ZNF462: variants seen among roughly 807,000 people sequenced by gnomAD.
ZNF462 encodes the protein zinc finger PBX1-interacting protein.
ZNF462 carries 10 observed loss-of-function variants against 201.9 expected under a neutral mutation model. The observed-to-expected ratio is 0.05, with a 90% confidence interval of 0.03 to 0.08. The LOEUF (loss-of-function observed/expected upper bound fraction) is 0.08, where lower values mean the gene tolerates loss of function less well. ZNF462 is among the 10% of genes least tolerant of loss of function. The probability of loss-of-function intolerance (pLI) is 1.00; values close to 1 mark genes in which losing one functional copy is unlikely to be tolerated. For synonymous variants in ZNF462, 1,227 were observed against 1,193.3 expected, an observed-to-expected ratio of 1.03 and a Z score of -0.58; for missense variants, 2,523 against 3,168.3, an observed-to-expected ratio of 0.80 and a Z score of 4.89.
In ZNF462 at chr9:106,984,994, C is replaced by G. The variant is rs1238335397; in HGVS notation, c.7056+585C>G. ...GGCATGGTGGTGTGCACCTGTGGTC[C>G]CAACTACTTGGGAGGCTGAGGAGGG... On this transcript the variant is annotated intron_variant, in intron 10 of 12. Transcript: ENST00000277225. The surrounding 1 kb of genome is among the most constrained non-coding windows in gnomAD (Gnocchi z 6.4). Among the ~76,000 whole-genome samples, 1 of 152,044 alleles carries G rather than the reference C, an allele frequency of 6.6e-6. No homozygotes were observed. The highest frequency in any genetic ancestry group is 1.5e-5 in the Non-Finnish European group (1 of 68,012).
At chr9:106,987,289 A>G (rs1827921510) in intron 10 of ZNF462, among the ~76,000 whole-genome samples, 1 of 152,142 alleles carries the variant, frequency 6.6e-6, no homozygotes, top group Admixed American at 6.6e-5. Flanking sequence ...GCAGTGTAGA[A>G]GTGTTCGCTC....
Position 106,924,062 on chromosome 9 carries a change from G to C in ZNF462, c.221-71G>C. The C allele has an allele frequency of 7.9e-7, 1 of 1,266,232 alleles. No homozygotes were observed. 78.4% of individuals were successfully genotyped at this position (1,266,232 alleles called of 1,614,324 possible). A position where few individuals can be genotyped will look rare whatever the true frequency, so the allele number is the denominator to read the frequency against. On this transcript the variant is annotated intron_variant, in intron 2 of 12. Coordinates refer to ENST00000277225, the MANE Select transcript of ZNF462 (RefSeq NM_021224.6). The surrounding 1 kb of genome is among the most constrained non-coding windows in gnomAD (Gnocchi z 6.2). Reference sequence around the variant, plus strand: ...TTTAGTAATGAAGAATAATTGGAATGGTACTGATTTGCATGATTGGATATT... The same window carrying C: ...TTTAGTAATGAAGAATAATTGGAATCGTACTGATTTGCATGATTGGATATT...
rs1051320458 is a variant in ZNF462 at position 107,013,114 on chromosome 9, A to G, written c.*2084A>G. ...CCAAAAAACAAACAAAAAAAGAAAG[A>G]AAAAGGAAAAAAAAAAAGAAAATAA... On this transcript the variant is annotated 3_prime_UTR_variant, in exon 13 of 13. Transcript: ENST00000277225. The G allele has an allele frequency of 6.6e-6, 1 of 151,338 alleles. No individual in the cohort carries two copies. Among genetic ancestry groups the G allele is most frequent in the Non-Finnish European group, 1.5e-5 (1 of 68,010 alleles). 9.4% of individuals were successfully genotyped at this position (151,338 alleles called of 1,614,324 possible).
intron 9 of ZNF462, among the ~76,000 whole-genome samples, chr9:106,982,783 C>A (rs539302432): frequency 9.2e-5 from 14 of 152,254 alleles, no homozygotes; most frequent in African/African-American, 3.4e-4. Flanking sequence ...CAGTGACTGC[C>A]CTACAATCAG....
Position 106,935,648 on chromosome 9 carries a change from G to T in ZNF462, c.6235+27G>T, listed in dbSNP as rs1830601245. ...TGAGTTGTGCATTGATGATGCACAA[G>T]TTCTTTAGCACTCTCTGAGTTTGAA... On this transcript the variant is annotated intron_variant, in intron 6 of 12. Coordinates refer to ENST00000277225, the MANE Select transcript of ZNF462 (RefSeq NM_021224.6). This position sits in a 1 kb window ranked among gnomAD's most constrained non-coding sequence, Gnocchi z 4.1. 6.4e-7 allele frequency: 1 copy of T among 1,554,702 alleles called. No individual in the cohort carries two copies. The highest frequency in any genetic ancestry group is 2.2e-5 in the East Asian group (1 of 44,588).
In ZNF462 at chr9:107,008,418, C is replaced by G. The variant is rs990835274; in HGVS notation, c.7190-1127C>G. On this transcript the variant is annotated intron_variant, in intron 11 of 12. Coordinates refer to ENST00000277225, the MANE Select transcript of ZNF462 (RefSeq NM_021224.6). This position sits in a 1 kb window ranked among gnomAD's most constrained non-coding sequence, Gnocchi z 4.8. ...ACAGAGCCCCCCATCCTGTTAACAT[C>G]GTCCTGAGAATCTTATTAGATGGGG... Among the ~76,000 whole-genome samples the G allele has an allele frequency of 6.6e-6, 1 of 152,192 alleles. No individual in the cohort carries two copies. Among genetic ancestry groups the G allele is most frequent in the Admixed American group, 6.5e-5 (1 of 15,274 alleles).
At chr9:106,896,400 T>C (rs2131118546) in intron 1 of ZNF462, among the ~76,000 whole-genome samples, 1 of 152,258 alleles carries the variant, frequency 6.6e-6, no homozygotes, top group African/African-American at 2.4e-5. Context: ...AGTCTAGATG[T>C]GAGGTAGAGT....
intron 1 of ZNF462, among the ~76,000 whole-genome samples, chr9:106,904,653 G>T (rs1328619083): frequency 6.6e-6 from 1 of 152,010 alleles, no homozygotes; most frequent in East Asian, 1.9e-4. Context: ...TGTCTTTGTT[G>T]GATTGGGTTA....
chr9:106,994,850 T>C (rs1828580189), intron 10 of ZNF462, among the ~76,000 whole-genome samples: 1 of 152,182 alleles, frequency 6.6e-6, no homozygotes, highest in Non-Finnish European at 1.5e-5. Context: ...TTGTCCCAGA[T>C]TCAAAGCTTC....
chr9:106,891,707 T>G (rs1169670459), intron 1 of ZNF462, among the ~76,000 whole-genome samples: 1 of 152,228 alleles, frequency 6.6e-6, no homozygotes, highest in Non-Finnish European at 1.5e-5. Flanking sequence ...CACCCTTGAT[T>G]ATAGAAAAGG....
rs7847708 is a variant in ZNF462, at chr9:106,968,628, T to C, written c.6428-3377T>C. Among the ~76,000 whole-genome samples, 41,838 of 151,932 alleles carry C rather than the reference T, an allele frequency of 0.28. 9,014 individuals carry two copies. Among genetic ancestry groups the C allele is most frequent in the African/African-American group, 0.61 (25,138 of 41,352 alleles). On this transcript the variant is annotated intron_variant, in intron 7 of 12. Coordinates refer to ENST00000277225, the MANE Select transcript of ZNF462 (RefSeq NM_021224.6). This position sits in a 1 kb window ranked among gnomAD's most constrained non-coding sequence, Gnocchi z 4.0. ...AAAGGTGGACCACCTTAGTCTTTGCTGTTGGTTCCATTGTAGATACCACTG... is the reference window on the plus strand; with the variant it reads ...AAAGGTGGACCACCTTAGTCTTTGCCGTTGGTTCCATTGTAGATACCACTG...
rs1199143190 is a variant in ZNF462 at position 106,935,986 on chromosome 9, A to G, written c.6235+365A>G. On this transcript the variant is annotated intron_variant, in intron 6 of 12. Transcript: ENST00000277225. This position sits in a 1 kb window ranked among gnomAD's most constrained non-coding sequence, Gnocchi z 4.1. The stretch of plus-strand genomic sequence containing the variant: ...TCTATTAAAAAGACTTTCCAGCTAA[A>G]ATAAAGTTACCAACTTAAGGAAGTT... 6.6e-6 allele frequency among the ~76,000 whole-genome samples: 1 copy of G among 152,200 alleles called. No individual in the cohort carries two copies. The highest frequency in any genetic ancestry group is 1.5e-5 in the Non-Finnish European group (1 of 68,038).
chr9:106,944,722 C>G (rs1831028790), intron 7 of ZNF462, among the ~76,000 whole-genome samples: 2 of 152,160 alleles, frequency 1.3e-5, no homozygotes, highest in South Asian at 4.1e-4. Flanking sequence ...ATGCCCTTCC[C>G]AGTCTCTAGT....
chr9:106,953,903 C>G (rs1055030300), intron 7 of ZNF462, among the ~76,000 whole-genome samples: 4 of 152,122 alleles, frequency 2.6e-5, no homozygotes, highest in Non-Finnish European at 5.9e-5. Flanking sequence ...CTTGTTGGAC[C>G]CACGTTCCAT....
chr9:106,860,958 G>A (rs2130710678), upstream of ZNF462, among the ~76,000 whole-genome samples: 1 of 152,018 alleles, frequency 6.6e-6, no homozygotes, highest in Non-Finnish European at 1.5e-5. The surrounding 1 kb of genome is among the most constrained non-coding windows in gnomAD (Gnocchi z 7.1). Context: ...TCTCTTCTCG[G>A]TGACTCCCGT....
Position 106,924,281 on chromosome 9 carries a change from C to T in ZNF462, c.369C>T (p.Leu123=). ...GCTACTTCAGGTCAAAAAACCTCCT[C>T]ATAGAACACACTAGAAAGGTCCATG... ...CVRYFRSKNL[L]IEHTRKVHGA... The change falls in exon 3 of 13, where the codon CTC becomes CTT. Residue 123 remains leucine (L), a synonymous_variant. Transcript: ENST00000277225. This position sits in a 1 kb window ranked among gnomAD's most constrained non-coding sequence, Gnocchi z 6.2. The T allele has an allele frequency of 6.2e-7, 1 of 1,614,136 alleles. No homozygotes were observed. The highest frequency in any genetic ancestry group is 1.1e-5 in the South Asian group (1 of 91,082).
upstream of ZNF462, among the ~76,000 whole-genome samples, chr9:106,861,623 T>C (rs1474750044): frequency 6.6e-6 from 1 of 152,266 alleles, no homozygotes; most frequent in Non-Finnish European, 1.5e-5. Context: ...AATCAGCCCA[T>C]GCCCTTGAAC....
chr9:106,874,050 C>T (rs1041178511), intron 1 of ZNF462, among the ~76,000 whole-genome samples: 1 of 152,076 alleles, frequency 6.6e-6, no homozygotes, highest in Non-Finnish European at 1.5e-5. Context: ...TACTTCTCAT[C>T]CATATCATTA....
At position 106,924,502 on chromosome 9, in the gene ZNF462, C is replaced by A. The variant is rs1265189143; in HGVS notation, c.590C>A (p.Pro197His). ...TTGAAGGAGACCACTGCTCCCCCAC[C>A]TGCTCCTGCTCCAATGCCAGACCCT... Reference protein sequence around the residue: ...NNLKETTAPPPAPAPMPDPVV... With the variant: ...NNLKETTAPPHAPAPMPDPVV... The change falls in exon 3 of 13, where the codon CCT becomes CAT. Residue 197 changes from proline (P) to histidine (H), a missense_variant. Coordinates refer to ENST00000277225, the MANE Select transcript of ZNF462 (RefSeq NM_021224.6). This position sits in a 1 kb window ranked among gnomAD's most constrained non-coding sequence, Gnocchi z 6.2. The A allele has an allele frequency of 9.3e-6, 15 of 1,614,026 alleles. No individual in the cohort carries two copies. The highest frequency in any genetic ancestry group is 1.3e-5 in the African/African-American group (1 of 74,922).
Sources: allele counts gnomAD v4.1 joint callset (sites outside exome capture counted in the v4.1 genomes callset), GRCh38; gene constraint gnomAD v4.1.1; non-coding constraint Gnocchi (gnomAD v3.1); transcripts MANE v1.5; gene names NCBI Gene and HGNC (gene_info 2026-07-23, HGNC 2026-07-21).